The following COA8 variants were observed in gnomAD, a reference collection of about 807,000 sequenced individuals.
COA8 encodes cytochrome c oxidase assembly factor 8.
COA8 carries 20 observed loss-of-function variants against 22.0 expected under a neutral mutation model. That is an observed-to-expected ratio of 0.91 (90% CI 0.64 to 1.32). The LOEUF (loss-of-function observed/expected upper bound fraction) is 1.32. Among genes scored for constraint, COA8 ranks in the 40% most tolerant of loss-of-function variants. The probability of loss-of-function intolerance (pLI) is 0.00; values close to 1 mark genes in which losing one functional copy is unlikely to be tolerated. For missense variants in COA8, 266 were observed against 230.0 expected (o/e 1.16, Z -1.01); for synonymous variants, 105 against 79.9 (o/e 1.31, Z -1.68).
At chr14:103,578,374 A>G (rs1454530221) in intron 3 of COA8, among the ~76,000 whole-genome samples, 1 of 152,226 alleles carries the variant, frequency 6.6e-6, no homozygotes, top group Non-Finnish European at 1.5e-5. Flanking sequence ...GTGCAGAAAA[A>G]TGAGTGATTG....
intron 3 of COA8, among the ~76,000 whole-genome samples, chr14:103,580,500 T>C (rs944233653): frequency 2.6e-4 from 39 of 151,460 alleles, no homozygotes; most frequent in Non-Finnish European, 4.4e-4. Flanking sequence ...TTTTGTGGTT[T>C]TTTTTGTTTT....
chr14:103,590,312 C>A lies in COA8; in HGVS notation c.*26C>A. ...GAGTCCACTCTGACCCAGCCAGAGT[C>A]CAGGTTTCCACAGGAAGCAGATGGA... On this transcript the variant is annotated 3_prime_UTR_variant, in exon 5 of 5. Coordinates refer to ENST00000409074, the MANE Select transcript of COA8 (RefSeq NM_001370595.2). The A allele has an allele frequency of 1.9e-6, 3 of 1,580,628 alleles. No homozygotes were observed. In the South Asian group the frequency reaches 3.3e-5, roughly 18 times the overall value.
intron 1 of COA8, among the ~76,000 whole-genome samples, chr14:103,569,919 C>G (rs1181125346): frequency 6.6e-6 from 1 of 152,072 alleles, no homozygotes; most frequent in Non-Finnish European, 1.5e-5. Flanking sequence ...TGCAGTGGTG[C>G]GATCTCGGCT....
intron 3 of COA8, among the ~76,000 whole-genome samples, chr14:103,586,373 A>T (rs189352714): frequency 6.6e-6 from 1 of 150,742 alleles, no homozygotes; most frequent in African/African-American, 2.4e-5. Flanking sequence ...ATACCTAGCT[A>T]ATTTTTTTAT....
rs2076213188 is a variant in COA8 at position 103,574,184 on chromosome 14, T to C, written c.385+14T>C. ...GAACTGAATCAGGTTAGTGTGTTTG[T>C]TTGATTGTTTTTTTTGCTTTCTTTG... On this transcript the variant is annotated intron_variant, in intron 3 of 4. Transcript: ENST00000409074. The C allele has an allele frequency of 1.2e-6, 2 of 1,612,640 alleles. No individual in the cohort carries two copies. The highest frequency in any genetic ancestry group is 2.7e-5 in the African/African-American group (2 of 74,668).
At chr14:103,564,480 G>T (rs938415168) in intron 1 of COA8, among the ~76,000 whole-genome samples, 2 of 151,888 alleles carry the variant, frequency 1.3e-5, no homozygotes, top group Admixed American at 1.3e-4. Flanking sequence ...TTTCCCGGGC[G>T]GGGGGGATTT....
At position 103,585,568 on chromosome 14, in the gene COA8, G is replaced by GT. The variant is rs1292097081; in HGVS notation, c.386-1700dup. 3.5e-5 allele frequency among the ~76,000 whole-genome samples: 5 copies of GT among 142,982 alleles called. 1 individual carries two copies. Among genetic ancestry groups the GT allele is most frequent in the Admixed American group, 1.4e-4 (2 of 13,940 alleles). The allele number at this position is 142,982 out of a possible 152,430, so 93.8% of individuals were successfully genotyped here. ...CAAATGTTTTTCTCCCGTTCTATAG[G>GT]TTTTTTCTCTTTTTTTTTTTTTTTT... On this transcript the variant is annotated intron_variant, in intron 3 of 4. Transcript: ENST00000409074.
intron 1 of COA8, 125 bp from the exon 2 acceptor site, chr14:103,571,498 A>T: frequency 2.1e-6 from 2 of 944,792 alleles, no homozygotes; most frequent in Non-Finnish European, 3.2e-6. Context: ...AGATCACGCC[A>T]CTACACTCCA....
intron 3 of COA8, among the ~76,000 whole-genome samples, chr14:103,582,859 G>A (rs945495568): frequency 6.8e-6 from 1 of 146,830 alleles, no homozygotes; most frequent in Non-Finnish European, 1.5e-5. Context: ...CACTAATTCT[G>A]AACATTTTCA....
intron 1 of COA8, among the ~76,000 whole-genome samples, chr14:103,565,353 A>G (rs1420883514): frequency 6.6e-6 from 1 of 152,188 alleles, no homozygotes; most frequent in Non-Finnish European, 1.5e-5. Context: ...CTTTTCAGAA[A>G]TATAACTGCT....
rs1566975059 is a variant in COA8 at position 103,562,987 on chromosome 14, A to C, written c.-15A>C. ...AATGCTGCCGTGCGCCGCGGGAGCC[A>C]GGGGGCGTGGGGCCATGGTGGTCTT... On this transcript the variant is annotated 5_prime_UTR_variant, in exon 1 of 5. Coordinates refer to ENST00000409074, the MANE Select transcript of COA8 (RefSeq NM_001370595.2). 1 of 1,540,990 alleles carries C rather than the reference A, an allele frequency of 6.5e-7. No homozygotes were observed. Among genetic ancestry groups the C allele is most frequent in the Non-Finnish European group, 8.7e-7 (1 of 1,149,592 alleles).
At chr14:103,584,622 A>G (rs2076291967) in intron 3 of COA8, among the ~76,000 whole-genome samples, 1 of 151,944 alleles carries the variant, frequency 6.6e-6, no homozygotes, top group South Asian at 2.1e-4. Context: ...GGCCTGACCT[A>G]TTTTTTTATT....
chr14:103,577,624 A>G (rs1248448434), intron 3 of COA8, among the ~76,000 whole-genome samples: 5 of 151,060 alleles, frequency 3.3e-5, no homozygotes, highest in Non-Finnish European at 2.9e-5. Flanking sequence ...CATACCTGTA[A>G]TCCCACCACT....
At chr14:103,570,506 GCA>G (rs2076174965) in intron 1 of COA8, among the ~76,000 whole-genome samples, 2 of 152,134 alleles carry the variant, frequency 1.3e-5, no homozygotes, top group Non-Finnish European at 2.9e-5. Flanking sequence ...GCTGAGGCAG[GCA>G]GATCACCTGA....
chr14:103,584,142 C>A (rs1386835356), intron 3 of COA8, among the ~76,000 whole-genome samples: 1 of 152,100 alleles, frequency 6.6e-6, no homozygotes, highest in Non-Finnish European at 1.5e-5. Flanking sequence ...GCTCAAGCAA[C>A]CCTCCCTCGG....
intron 1 of COA8, 153 bp downstream of exon 1, chr14:103,563,277 G>C (rs1356538429): frequency 9.4e-7 from 1 of 1,058,532 alleles, no homozygotes; most frequent in African/African-American, 1.6e-5. Flanking sequence ...CAGCCCCGAG[G>C]CTCCCGCATC....
chr14:103,587,500 CTTT>C (rs1363532322), intron 4 of COA8, 136 bp downstream of exon 4: 1 of 439,126 alleles, frequency 2.3e-6, no homozygotes, highest in Admixed American at 4.2e-5. Flanking sequence ...TTTTTTTTTT[CTTT>C]TTTTCTTTTT....
Position 103,567,233 on chromosome 14 carries a change from C to T in COA8, c.123+4109C>T, listed in dbSNP as rs1404306085. ...ACTGAAAATACAAAAATTAGCCGGG[C>T]GTGGTGGCGCATGCCTGTAATCCCA... On this transcript the variant is annotated intron_variant, in intron 1 of 4. Transcript: ENST00000409074. Among the ~76,000 whole-genome samples the T allele has an allele frequency of 4.0e-5, 6 of 151,874 alleles. No individual in the cohort carries two copies. The East Asian group carries it at 7.8e-4, about 20-fold the overall frequency.
At position 103,563,083 on chromosome 14, in the gene COA8, C is replaced by T. The variant is rs1466670306; in HGVS notation, c.82C>T (p.Pro28Ser). The change falls in exon 1 of 5, where the codon CCG becomes TCG. Residue 28 changes from proline (P) to serine (S), a missense_variant. By Grantham distance (74) the Pro-to-Ser change is moderately conservative. Coordinates refer to ENST00000409074, the MANE Select transcript of COA8 (RefSeq NM_001370595.2). ...AFACRGCQLAPERGAERRDTA... is the reference protein window; with the variant it reads ...AFACRGCQLASERGAERRDTA... ...CGCCTGCCGCGGCTGTCAACTCGCTCCGGAGCGCGGCGCCGAGCGCAGGGA... is the reference window on the plus strand; with the variant it reads ...CGCCTGCCGCGGCTGTCAACTCGCTTCGGAGCGCGGCGCCGAGCGCAGGGA... The T allele has an allele frequency of 7.1e-6, 11 of 1,540,652 alleles. No individual in the cohort carries two copies. Among genetic ancestry groups the T allele is most frequent in the African/African-American group, 5.5e-5 (4 of 73,370 alleles).
Sources: allele counts gnomAD v4.1 joint callset (sites outside exome capture counted in the v4.1 genomes callset), GRCh38; gene constraint gnomAD v4.1.1; transcripts MANE v1.5; gene names NCBI Gene and HGNC (gene_info 2026-07-23, HGNC 2026-07-21).